Variants in CACNB1 observed in about 807,000 individuals in gnomAD.
CACNB1 encodes voltage-dependent L-type calcium channel subunit beta-1.
CACNB1 carries 29 observed loss-of-function variants against 71.6 expected under a neutral mutation model. The observed-to-expected ratio is 0.40, with a 90% CI of 0.30 to 0.55. The LOEUF (loss-of-function observed/expected upper bound fraction) is 0.55. CACNB1 is among the 20% of genes least tolerant of loss of function. The pLI, the probability that CACNB1 is intolerant of heterozygous loss-of-function variation, is 0.38. For missense variants in CACNB1, 623 were observed against 801.8 expected, an observed-to-expected ratio of 0.78 and a Z score of 2.69; for synonymous variants, 300 against 319.6, an observed-to-expected ratio of 0.94 and a Z score of 0.65.
rs2045533208 is a variant in CACNB1, at chr17:39,174,680, CGAT to C, written c.*510_*512del. On this transcript the variant is annotated 3_prime_UTR_variant, in exon 14 of 14. Coordinates refer to ENST00000394303, the MANE Select transcript of CACNB1 (RefSeq NM_000723.5). ...CATGCTATGGCTTTCACCGACCAGA[CGAT>C]GCTGCCAGGAAGCTGGGAGGAAGGG... 6.4e-6 allele frequency: 1 copy of C among 155,352 alleles called. No homozygotes were observed. The highest frequency in any genetic ancestry group is 1.4e-5 in the Non-Finnish European group (1 of 70,208). 9.6% of individuals were successfully genotyped at this position (155,352 alleles called of 1,614,324 possible).
rs538015964 is a variant in CACNB1, at chr17:39,187,506, C to T, written c.387G>A (p.Glu129=). The T allele has an allele frequency of 3.7e-6, 6 of 1,614,122 alleles. No homozygotes were observed. In the African/African-American group the frequency reaches 5.3e-5, roughly 14 times the overall value. The change falls in exon 4 of 14, where the codon GAG becomes GAA. Residue 129 remains glutamate (E), a synonymous_variant. Coordinates refer to ENST00000394303, the MANE Select transcript of CACNB1 (RefSeq NM_000723.5). ...CCTTGATGTGCAGGAAGTCTTTGGGCTCGAAGGTGATGGCCACTCCCTGCA... is the reference window on the plus strand; with the variant it reads ...CCTTGATGTGCAGGAAGTCTTTGGGTTCGAAGGTGATGGCCACTCCCTGCA... The part of the protein sequence containing the change: ...VPVQGVAITF[E]PKDFLHIKEK...
Position 39,197,516 on chromosome 17 carries a change from G to T in CACNB1, c.-21C>A. ...ACCATGGAGAGGAGCCTCCCCTCCC[G>T]CCGCCGGCCCGGCCCAGCCGGGCTC... On this transcript the variant is annotated 5_prime_UTR_variant, in exon 1 of 14. Coordinates refer to ENST00000394303, the MANE Select transcript of CACNB1 (RefSeq NM_000723.5). 3 of 1,477,176 alleles carry T rather than the reference G, an allele frequency of 2.0e-6. No individual in the cohort carries two copies. Among genetic ancestry groups the T allele is most frequent in the Non-Finnish European group, 2.7e-6 (3 of 1,112,496 alleles). 91.5% of individuals were successfully genotyped at this position (1,477,176 alleles called of 1,614,324 possible).
rs1482744898 is a variant in CACNB1, at chr17:39,173,911, G to C, written c.*1282C>G. On this transcript the variant is annotated 3_prime_UTR_variant, in exon 14 of 14. Transcript: ENST00000394303. The stretch of plus-strand genomic sequence containing the variant: ...AGGACACCAGACAGGGAGGGGGGAA[G>C]GGAGGGCAGTGGTGTCTTCTAATCA... 3 of 153,132 alleles carry C rather than the reference G, an allele frequency of 2.0e-5. No homozygotes were observed. Among genetic ancestry groups the C allele is most frequent in the Admixed American group, 6.5e-5 (1 of 15,278 alleles). The allele number at this position is 153,132 out of a possible 1,614,324, so 9.5% of individuals were successfully genotyped here.
rs2045941593 is a variant in CACNB1 at position 39,186,414 on chromosome 17, A to G, written c.628+82T>C. The G allele has an allele frequency of 3.0e-6, 3 of 1,007,384 alleles. No homozygotes were observed. Among genetic ancestry groups the G allele is most frequent in the Non-Finnish European group, 4.5e-6 (3 of 666,118 alleles). The allele number at this position is 1,007,384 out of a possible 1,614,324, so 62.4% of individuals were successfully genotyped here. On this transcript the variant is annotated intron_variant, in intron 6 of 13. Coordinates refer to ENST00000394303, the MANE Select transcript of CACNB1 (RefSeq NM_000723.5). The surrounding 1 kb of genome is among the most constrained non-coding windows in gnomAD (Gnocchi z 4.1). The stretch of plus-strand genomic sequence containing the variant: ...TCAGGATTGGGGTGTTTCCTACTGC[A>G]GGGAAAGGAGGATTCAGGGAGTGGG...
rs1597704102 is a variant in CACNB1 at position 39,186,286 on chromosome 17, G to C, written c.628+210C>G. On this transcript the variant is annotated intron_variant, in intron 6 of 13. Transcript: ENST00000394303. The surrounding 1 kb of genome is among the most constrained non-coding windows in gnomAD (Gnocchi z 4.1). Reference sequence around the variant, plus strand: ...GCAGGGCAGGGGAATCAGGCAGAGAGATGGAGCTACCAAAGAAAAGGGAGA... The same window carrying C: ...GCAGGGCAGGGGAATCAGGCAGAGACATGGAGCTACCAAAGAAAAGGGAGA... 1 of 637,008 alleles carries C rather than the reference G, an allele frequency of 1.6e-6. No homozygotes were observed. The highest frequency in any genetic ancestry group is 2.7e-5 in the East Asian group (1 of 36,640). 39.5% of individuals were successfully genotyped at this position (637,008 alleles called of 1,614,324 possible). A position where few individuals can be genotyped will look rare whatever the true frequency, so the allele number is the denominator to read the frequency against.
intron 8 of CACNB1, 40 bp downstream of exon 8, chr17:39,184,744 T>C (rs374709505): frequency 2.4e-5 from 33 of 1,360,468 alleles, no homozygotes; most frequent in Admixed American, 1.7e-5. Flanking sequence ...AAGATCTTTC[T>C]AAGGCCCCTC....
At chr17:39,182,855 TCCC>T in intron 11 of CACNB1, 3 of 567,306 alleles carry the variant, frequency 5.3e-6, no homozygotes, top group Non-Finnish European at 6.7e-6. Flanking sequence ...GCTAAATAAT[TCCC>T]CCAAGATTCC....
Position 39,186,710 on chromosome 17 carries a change from G to A in CACNB1, c.551+83C>T. On this transcript the variant is annotated intron_variant, in intron 5 of 13. Transcript: ENST00000394303. The surrounding 1 kb of genome is among the most constrained non-coding windows in gnomAD (Gnocchi z 4.1). ...AGGCAGCTCTGTGCCCTCAGGGCCAGGGACAACCATTGAGGCCTAGTCCAG... is the reference window on the plus strand; with the variant it reads ...AGGCAGCTCTGTGCCCTCAGGGCCAAGGACAACCATTGAGGCCTAGTCCAG... 3.2e-6 allele frequency: 5 copies of A among 1,576,054 alleles called. No individual in the cohort carries two copies. Among genetic ancestry groups the A allele is most frequent in the Non-Finnish European group, 3.5e-6 (4 of 1,150,522 alleles).
chr17:39,184,514 G>A, intron 8 of CACNB1, 131 bp from the exon 9 acceptor site: 1 of 664,526 alleles, frequency 1.5e-6, no homozygotes, highest in Admixed American at 2.2e-5. Context: ...GGCGGGCGGG[G>A]GTCTGAGTCT....
chr17:39,187,221 G>A (rs186620264), intron 4 of CACNB1: 37 of 600,128 alleles, frequency 6.2e-5, no homozygotes, highest in Middle Eastern at 4.5e-4. Flanking sequence ...GAGTAAATGC[G>A]GATACCTACA....
chr17:39,191,849 T>C, intron 2 of CACNB1: 1 of 481,414 alleles, frequency 2.1e-6, no homozygotes, highest in Middle Eastern at 5.3e-4. Context: ...GGACAGCTGC[T>C]TGGGGCCCAG....
intron 11 of CACNB1, among the ~76,000 whole-genome samples, chr17:39,183,335 A>AG (rs1555581624): frequency 6.8e-6 from 1 of 146,416 alleles, no homozygotes; most frequent in Non-Finnish European, 1.5e-5. Flanking sequence ...CTGACTTAAA[A>AG]AAAAGAAGAA....
chr17:39,193,509 C>T, intron 2 of CACNB1: 1 of 445,202 alleles, frequency 2.2e-6, no homozygotes, highest in Non-Finnish European at 4.5e-6. Context: ...GCCCTGCTGG[C>T]CTAGGGGGTG....
intron 11 of CACNB1, 154 bp from the exon 12 acceptor site, chr17:39,178,233 G>A (rs955559372): frequency 1.1e-4 from 72 of 635,192 alleles, no homozygotes; most frequent in Non-Finnish European, 1.8e-4. Flanking sequence ...TCTGCAGAAA[G>A]GACCTCAGCA....
intron 2 of CACNB1, chr17:39,193,498 G>A (rs1164802299): frequency 4.4e-6 from 2 of 451,964 alleles, no homozygotes; most frequent in South Asian, 3.1e-5. Context: ...CTCAGTGCCT[G>A]GCCCTGCTGG....
In CACNB1 at chr17:39,184,016, C is replaced by A; in HGVS notation, c.898+15G>T. 6.3e-7 allele frequency: 1 copy of A among 1,593,106 alleles called. No homozygotes were observed. The highest frequency in any genetic ancestry group is 8.6e-7 in the Non-Finnish European group (1 of 1,161,238). ...GCCCAGAAAGGGGGAGTGAAGACAGCAGGAGTAGGCTCACCCAGGCTGGAG... is the reference window on the plus strand; with the variant it reads ...GCCCAGAAAGGGGGAGTGAAGACAGAAGGAGTAGGCTCACCCAGGCTGGAG... On this transcript the variant is annotated intron_variant, in intron 10 of 13. Transcript: ENST00000394303.
At chr17:39,188,781 T>A (rs955835012) in intron 3 of CACNB1, among the ~76,000 whole-genome samples, 5 of 151,606 alleles carry the variant, frequency 3.3e-5, no homozygotes, top group Non-Finnish European at 5.9e-5. Flanking sequence ...GGTGGCTCAC[T>A]GCTGTAATCC....
rs968074389 is a variant in CACNB1, at chr17:39,187,291, C to T, written c.414+188G>A. ...CCTAACAAACCCTCCCAACAACCTT[C>T]TGACCTAAGCATTACCACCTCATTT... On this transcript the variant is annotated intron_variant, in intron 4 of 13. Transcript: ENST00000394303. The T allele has an allele frequency of 2.2e-5, 15 of 689,996 alleles. No individual in the cohort carries two copies. The South Asian group carries it at 2.7e-4, about 12-fold the overall frequency. The allele number at this position is 689,996 out of a possible 1,614,324, so 42.7% of individuals were successfully genotyped here.
At chr17:39,196,348 C>T (rs1449523692) in intron 1 of CACNB1, among the ~76,000 whole-genome samples, 1 of 152,110 alleles carries the variant, frequency 6.6e-6, no homozygotes, top group Non-Finnish European at 1.5e-5. Context: ...CCCACCACTG[C>T]CAGGCTGGGC....
Sources: allele counts gnomAD v4.1 joint callset (sites outside exome capture counted in the v4.1 genomes callset), GRCh38; gene constraint gnomAD v4.1.1; non-coding constraint Gnocchi (gnomAD v3.1); transcripts MANE v1.5; gene names NCBI Gene and HGNC (gene_info 2026-07-23, HGNC 2026-07-21).